IQCM: variants seen among roughly 807,000 people sequenced by gnomAD.
IQCM encodes the protein IQ domain-containing protein M.
Under a neutral mutation model 57.6 loss-of-function variants are expected in IQCM, and 45 were observed. That is an observed-to-expected ratio of 0.78 (90% CI 0.62 to 1.00). The LOEUF is 1.00. Among genes scored for constraint, IQCM ranks in the 50% least tolerant of loss-of-function variants. IQCM has a pLI of 0.00. For missense variants in IQCM, 468 were observed against 511.6 expected (o/e 0.91, Z 0.82); for synonymous variants, 148 against 158.9 (o/e 0.93, Z 0.51).
chr4:149,583,945 A>G (rs959489442), intron 9 of IQCM, among the ~76,000 whole-genome samples: 30 of 151,528 alleles, frequency 2.0e-4, no homozygotes, highest in African/African-American at 7.2e-4. Context: ...TGCTAGGAAA[A>G]AATGAGATCC....
At chr4:149,804,713 G>A (rs575443152) in intron 2 of IQCM, among the ~76,000 whole-genome samples, 1 of 152,174 alleles carries the variant, frequency 6.6e-6, no homozygotes, top group South Asian at 2.1e-4. Flanking sequence ...GGGCTTGGTA[G>A]ACCTCCACTT....
chr4:149,392,831 C>T (rs1310956052), intron 13 of IQCM, among the ~76,000 whole-genome samples: 2 of 151,892 alleles, frequency 1.3e-5, no homozygotes, highest in Non-Finnish European at 2.9e-5. Context: ...ATATATGAGA[C>T]ATAATGGGAA....
chr4:149,387,931 T>C (rs1485753875), intron 13 of IQCM, among the ~76,000 whole-genome samples: 4 of 152,176 alleles, frequency 2.6e-5, no homozygotes, highest in Non-Finnish European at 4.4e-5. Context: ...ATAAATGGGA[T>C]CATGTAATAT....
At chr4:149,561,807 A>G (rs563883255) in intron 10 of IQCM, among the ~76,000 whole-genome samples, 1 of 152,324 alleles carries the variant, frequency 6.6e-6, no homozygotes, top group South Asian at 2.1e-4. Context: ...CATACTGTCC[A>G]TATCAAACAT....
chr4:149,551,899 G>C (rs756758960), intron 11 of IQCM, among the ~76,000 whole-genome samples: 9 of 151,096 alleles, frequency 6.0e-5, no homozygotes, highest in Non-Finnish European at 1.2e-4. Flanking sequence ...CTCTCTTCTC[G>C]TTTTCTCATT....
At chr4:149,780,886 C>G (rs2150008393) in intron 2 of IQCM, among the ~76,000 whole-genome samples, 1 of 152,224 alleles carries the variant, frequency 6.6e-6, no homozygotes, top group East Asian at 1.9e-4. Context: ...ATTAAATGCA[C>G]TGTTCACTTC....
chr4:149,715,282 G>A (rs941356440), intron 5 of IQCM, among the ~76,000 whole-genome samples: 1 of 152,202 alleles, frequency 6.6e-6, no homozygotes, highest in Admixed American at 6.5e-5. Flanking sequence ...GCATGAATTA[G>A]CGAGCACAGG....
At chr4:149,580,436 G>C (rs1026807919) in intron 9 of IQCM, among the ~76,000 whole-genome samples, 8 of 151,810 alleles carry the variant, frequency 5.3e-5, no homozygotes, top group Non-Finnish European at 8.8e-5. Context: ...CCAAGAGCCA[G>C]AATGTACACA....
At chr4:149,518,017 A>G (rs1745166775) in intron 12 of IQCM, among the ~76,000 whole-genome samples, 1 of 152,124 alleles carries the variant, frequency 6.6e-6, no homozygotes, top group Non-Finnish European at 1.5e-5. Context: ...GAGGTTCTTG[A>G]CTAGTTGAGG....
intron 9 of IQCM, among the ~76,000 whole-genome samples, chr4:149,581,413 C>T (rs1278099920): frequency 6.6e-6 from 1 of 151,404 alleles, no homozygotes; most frequent in East Asian, 2.0e-4. Flanking sequence ...TAATGATCTA[C>T]AGGTCTATCT....
chr4:149,421,320 C>G (rs1227278202), intron 13 of IQCM, among the ~76,000 whole-genome samples: 1 of 151,640 alleles, frequency 6.6e-6, no homozygotes, highest in South Asian at 2.1e-4. Flanking sequence ...AGATATGTGT[C>G]GAACTTACAC....
At chr4:149,675,825 T>C (rs1761703627) in intron 7 of IQCM, among the ~76,000 whole-genome samples, 2 of 151,944 alleles carry the variant, frequency 1.3e-5, no homozygotes, top group African/African-American at 2.4e-5. Flanking sequence ...TAGAGATGTT[T>C]TTAATATCTG....
intron 5 of IQCM, among the ~76,000 whole-genome samples, chr4:149,704,943 A>G (rs1764045481): frequency 6.6e-6 from 1 of 151,610 alleles, no homozygotes; most frequent in Admixed American, 6.6e-5. Context: ...GCCCTTAGAC[A>G]TGAGAGCTGC....
chr4:149,394,637 G>A (rs1732098898), intron 13 of IQCM, among the ~76,000 whole-genome samples: 1 of 151,816 alleles, frequency 6.6e-6, no homozygotes, highest in African/African-American at 2.4e-5. Context: ...ATGGCCTCCA[G>A]GGTGCTTGCC....
At chr4:149,477,786 A>G (rs1185191175) in intron 12 of IQCM, among the ~76,000 whole-genome samples, 1 of 152,162 alleles carries the variant, frequency 6.6e-6, no homozygotes, top group Admixed American at 6.6e-5. Flanking sequence ...GAATAACTGG[A>G]TATCAGAGAT....
intron 9 of IQCM, among the ~76,000 whole-genome samples, chr4:149,576,031 A>G (rs1751615457): frequency 6.6e-6 from 1 of 151,876 alleles, no homozygotes; most frequent in South Asian, 2.1e-4. Context: ...ATAGATAAAC[A>G]TTCTGCAGGA....
chr4:149,443,586 G>T (rs1037959164), intron 12 of IQCM, among the ~76,000 whole-genome samples: 2 of 151,174 alleles, frequency 1.3e-5, no homozygotes, highest in Non-Finnish European at 2.9e-5. Flanking sequence ...AAAACGAAAT[G>T]AAATACTAAG....
chr4:149,587,206 A>T (rs557576444), intron 9 of IQCM, among the ~76,000 whole-genome samples: 8 of 151,784 alleles, frequency 5.3e-5, no homozygotes, highest in Non-Finnish European at 1.0e-4. Context: ...ATAAATGGGG[A>T]TCTTACCCAT....
At chr4:149,751,383 T>A (rs559568796) in intron 2 of IQCM, among the ~76,000 whole-genome samples, 1 of 152,340 alleles carries the variant, frequency 6.6e-6, no homozygotes, top group Non-Finnish European at 1.5e-5. Context: ...GAGCACAGAC[T>A]TGCTCAGATG....
Sources: allele counts gnomAD v4.1 joint callset (sites outside exome capture counted in the v4.1 genomes callset), GRCh38; gene constraint gnomAD v4.1.1; transcripts MANE v1.5; gene names NCBI Gene and HGNC (gene_info 2026-07-23, HGNC 2026-07-21).